ARHGAP15: variants seen among roughly 807,000 people sequenced by gnomAD.
ARHGAP15 encodes rho GTPase-activating protein 15.
ARHGAP15 carries 51 observed loss-of-function variants against 63.7 expected under a neutral mutation model. The ratio of observed to expected loss-of-function variants is 0.80; its 90% CI spans 0.64 to 1.01. The LOEUF is 1.01. Ranked by LOEUF, ARHGAP15 falls within the 50% of genes least tolerant of loss-of-function variation. The pLI is 0.00. For synonymous variants in ARHGAP15, 191 were observed against 193.8 expected (o/e 0.99, Z 0.12); for missense variants, 560 against 564.6 (o/e 0.99, Z 0.08).
rs549711408 is a variant in ARHGAP15, at chr2:143,759,869, T to C, written c.1245-8120T>C. On this transcript the variant is annotated intron_variant, in intron 13 of 13. Coordinates refer to ENST00000295095, the MANE Select transcript of ARHGAP15 (RefSeq NM_018460.4). Reference sequence around the variant, plus strand: ...ATGAAGGCAGCCTGGCCTTGCCCAATATTCAATAAAAGAGAATCTCTGGGA... The same window carrying C: ...ATGAAGGCAGCCTGGCCTTGCCCAACATTCAATAAAAGAGAATCTCTGGGA... Among the ~76,000 whole-genome samples the C allele has an allele frequency of 1.2e-3, 180 of 152,286 alleles. 2 individuals carry two copies. Among genetic ancestry groups the C allele is most frequent in the Non-Finnish European group, 2.1e-3 (142 of 68,000 alleles).
intron 6 of ARHGAP15, among the ~76,000 whole-genome samples, chr2:143,328,859 A>G (rs1684376867): frequency 6.6e-6 from 1 of 152,270 alleles, no homozygotes; most frequent in Non-Finnish European, 1.5e-5. Context: ...ACACAAAGAA[A>G]TGATAAATGC....
chr2:143,145,871 T>A (rs1689565302), intron 1 of ARHGAP15, among the ~76,000 whole-genome samples: 2 of 150,956 alleles, frequency 1.3e-5, no homozygotes, highest in South Asian at 4.2e-4. Flanking sequence ...TGTGTGTGTG[T>A]GTGTGTGTAT....
intron 12 of ARHGAP15, among the ~76,000 whole-genome samples, chr2:143,659,644 C>T (rs374832837): frequency 5.9e-5 from 9 of 152,268 alleles, no homozygotes; most frequent in African/African-American, 1.9e-4. Context: ...GCCACTACCG[C>T]CCTAGGGGCT....
intron 5 of ARHGAP15, among the ~76,000 whole-genome samples, chr2:143,243,380 A>G (rs1693935884): frequency 2.0e-5 from 3 of 152,202 alleles, no homozygotes. Context: ...CCTCTAAAAA[A>G]GAGGCTTTTA....
intron 2 of ARHGAP15, among the ~76,000 whole-genome samples, chr2:143,176,070 A>G (rs953192570): frequency 2.0e-5 from 3 of 152,192 alleles, no homozygotes; most frequent in Non-Finnish European, 4.4e-5. Flanking sequence ...ATGCTTGAAC[A>G]CAAATGAGTT....
intron 1 of ARHGAP15, among the ~76,000 whole-genome samples, chr2:143,136,284 G>A (rs185197799): frequency 2.0e-4 from 31 of 151,532 alleles, no homozygotes; most frequent in Admixed American, 1.6e-3. Flanking sequence ...TGGCCCTTAA[G>A]GTGTTATATC....
At chr2:143,580,200 G>A (rs1574658839) in intron 11 of ARHGAP15, among the ~76,000 whole-genome samples, 1 of 151,750 alleles carries the variant, frequency 6.6e-6, no homozygotes, top group East Asian at 2.0e-4. Flanking sequence ...ACAGGTGAAA[G>A]AAGTTGTCCC....
chr2:143,305,854 G>A (rs1173283392), intron 6 of ARHGAP15, among the ~76,000 whole-genome samples: 1 of 151,928 alleles, frequency 6.6e-6, no homozygotes, highest in Non-Finnish European at 1.5e-5. Context: ...AACAAATTAA[G>A]GGTAATTTAA....
chr2:143,308,823 C>A (rs1230596879), intron 6 of ARHGAP15, among the ~76,000 whole-genome samples: 1 of 150,802 alleles, frequency 6.6e-6, no homozygotes, highest in African/African-American at 2.4e-5. Flanking sequence ...TTTCCCATAG[C>A]CTAAGAAAAG....
intron 10 of ARHGAP15, among the ~76,000 whole-genome samples, chr2:143,531,501 T>C (rs1401510295): frequency 6.6e-6 from 1 of 152,184 alleles, no homozygotes; most frequent in Non-Finnish European, 1.5e-5. Flanking sequence ...AGCAGGTTTA[T>C]AGGGTAAGAA....
At chr2:143,236,544 G>A (rs62171740) in intron 5 of ARHGAP15, 25,453 of 152,114 alleles carry the variant, frequency 0.17, 2,300 homozygotes, top group Middle Eastern at 0.24. Flanking sequence ...AGAAATGGAT[G>A]TTGGTAGTTG....
At chr2:143,283,504 C>T (rs987527825) in intron 6 of ARHGAP15, among the ~76,000 whole-genome samples, 1 of 151,892 alleles carries the variant, frequency 6.6e-6, no homozygotes, top group African/African-American at 2.4e-5. Flanking sequence ...GTTCACATAC[C>T]CAAAAATATT....
At chr2:143,135,217 A>G (rs777115886) in intron 1 of ARHGAP15, among the ~76,000 whole-genome samples, 16 of 152,218 alleles carry the variant, frequency 1.1e-4, no homozygotes, top group Admixed American at 5.2e-4. Context: ...CATAGTTTCT[A>G]TCTTTGCCTA....
At chr2:143,566,927 G>A (rs948950084) in intron 11 of ARHGAP15, among the ~76,000 whole-genome samples, 20 of 150,140 alleles carry the variant, frequency 1.3e-4, no homozygotes, top group African/African-American at 2.9e-4. Context: ...TCGCTCTGTC[G>A]CCCAGTGCCA....
intron 6 of ARHGAP15, among the ~76,000 whole-genome samples, chr2:143,384,071 A>G (rs1196439841): frequency 6.6e-6 from 1 of 152,194 alleles, no homozygotes; most frequent in Non-Finnish European, 1.5e-5. Flanking sequence ...AACCTTGCAG[A>G]TGACTATTCC....
intron 13 of ARHGAP15, among the ~76,000 whole-genome samples, chr2:143,723,471 C>A (rs1055916591): frequency 7.2e-5 from 11 of 152,146 alleles, no homozygotes; most frequent in African/African-American, 2.2e-4. Context: ...ATTCCTAGGG[C>A]AGCTTTGAAG....
chr2:143,692,508 A>T (rs1683655843), intron 12 of ARHGAP15, among the ~76,000 whole-genome samples: 1 of 152,214 alleles, frequency 6.6e-6, no homozygotes, highest in Non-Finnish European at 1.5e-5. Flanking sequence ...TTTGGGTGAC[A>T]ATAATGGCAA....
intron 13 of ARHGAP15, among the ~76,000 whole-genome samples, chr2:143,726,748 C>T (rs1211688172): frequency 6.6e-6 from 1 of 152,210 alleles, no homozygotes; most frequent in Non-Finnish European, 1.5e-5. Context: ...ACCCACTTTT[C>T]CACTAATAAT....
intron 6 of ARHGAP15, among the ~76,000 whole-genome samples, chr2:143,305,612 T>A (rs1012623728): frequency 6.6e-6 from 1 of 152,014 alleles, no homozygotes; most frequent in African/African-American, 2.4e-5. Context: ...TCTCTAAACC[T>A]TTACAAAACA....
Sources: allele counts gnomAD v4.1 joint callset (sites outside exome capture counted in the v4.1 genomes callset), GRCh38; gene constraint gnomAD v4.1.1; transcripts MANE v1.5; gene names NCBI Gene and HGNC (gene_info 2026-07-23, HGNC 2026-07-21).